ZSCAN25: variants seen among roughly 807,000 people sequenced by gnomAD.
ZSCAN25 encodes zinc finger and SCAN domain containing 25.
Under a neutral mutation model 38.7 loss-of-function variants are expected in ZSCAN25, and 27 were observed. The ratio of observed to expected loss-of-function variants is 0.70; its 90% CI spans 0.51 to 0.96. The LOEUF is 0.96. ZSCAN25 is among the 40% of genes least tolerant of loss of function. The pLI is 0.00. For synonymous variants in ZSCAN25, 273 were observed against 277.7 expected, an observed-to-expected ratio of 0.98 and a Z score of 0.17; for missense variants, 637 against 705.9, an observed-to-expected ratio of 0.90 and a Z score of 1.11.
the ZSCAN25 span, chr7:99,715,625 T>C: frequency 6.8e-7 from 1 of 1,478,036 alleles, no homozygotes; most frequent in Admixed American, 1.7e-5. Flanking sequence ...GTGATGGTCG[T>C]ACATATCTTC....
the ZSCAN25 span, among the ~76,000 whole-genome samples, chr7:99,726,711 A>G: frequency 2.6e-5 from 4 of 152,068 alleles, no homozygotes; most frequent in South Asian, 4.2e-4. Context: ...TGCTTCCCAC[A>G]TTATTCAATA....
chr7:99,686,886 C>A, the ZSCAN25 span, among the ~76,000 whole-genome samples: 3 of 152,242 alleles, frequency 2.0e-5, no homozygotes, highest in Non-Finnish European at 2.9e-5. Flanking sequence ...TGCTGTTCTG[C>A]AGGCACCACT....
the ZSCAN25 span, chr7:99,685,081 T>C: frequency 8.2e-7 from 1 of 1,220,198 alleles, no homozygotes; most frequent in South Asian, 1.2e-5. Flanking sequence ...TAATTTGAGG[T>C]CTCTGGTGTT....
the ZSCAN25 span, among the ~76,000 whole-genome samples, chr7:99,639,014 A>C: frequency 1.3e-5 from 2 of 152,224 alleles, no homozygotes; most frequent in Admixed American, 1.3e-4. Context: ...CTGCTGAGGC[A>C]CGGCCCGGCT....
the ZSCAN25 span, among the ~76,000 whole-genome samples, chr7:99,726,818 A>G: frequency 1.3e-5 from 2 of 152,148 alleles, no homozygotes; most frequent in Non-Finnish European, 2.9e-5. Context: ...GATATCGGGT[A>G]TCCCCCTCCA....
rs1237663918 is a variant in ZSCAN25, at chr7:99,618,543, T to G, written c.-240T>G. 1 of 152,174 alleles carries G rather than the reference T, an allele frequency of 6.6e-6. No individual in the cohort carries two copies. Among genetic ancestry groups the G allele is most frequent in the Non-Finnish European group, 1.5e-5 (1 of 68,036 alleles). The allele number at this position is 152,174 out of a possible 1,614,324, so 9.4% of individuals were successfully genotyped here. On this transcript the variant is annotated 5_prime_UTR_variant, in exon 2 of 8. Transcript: ENST00000394152. The stretch of plus-strand genomic sequence containing the variant: ...TTTTCAGGTTGAGCGCACCATCACA[T>G]CTAAGCCATCAGCAAGTTTGTTGGT...
Position 99,624,080 on chromosome 7 carries a change from G to A in ZSCAN25, c.705G>A (p.Met235Ile). 4 of 1,614,136 alleles carry A rather than the reference G, an allele frequency of 2.5e-6. No homozygotes were observed. Among genetic ancestry groups the A allele is most frequent in the Non-Finnish European group, 3.4e-6 (4 of 1,180,034 alleles). ...AGGGGTTGGGGCCATTTAAAGATAT[G>A]GCCCTGGCCTTCCCTGAGGAGGAGT... ...GSQGLGPFKD[M>I]ALAFPEEEWR... Residue 235 changes from methionine to isoleucine, a missense_variant, in exon 7 of 8, where the codon ATG (methionine) becomes ATA (isoleucine). Physicochemically the swap from Met to Ile is conservative, Grantham distance 10 (BLOSUM62 1). Coordinates refer to ENST00000394152, the MANE Select transcript of ZSCAN25 (RefSeq NM_145115.3).
chr7:99,688,922 C>G, the ZSCAN25 span, among the ~76,000 whole-genome samples: 19 of 152,080 alleles, frequency 1.2e-4, no homozygotes, highest in African/African-American at 3.9e-4. Flanking sequence ...TGACCACTGG[C>G]TACATAACAA....
At chr7:99,638,076 G>A in the ZSCAN25 span, among the ~76,000 whole-genome samples, 3,776 of 152,202 alleles carry the variant, frequency 0.025, 156 homozygotes, top group African/African-American at 0.087. Flanking sequence ...GAAAAAGAAC[G>A]GGAAACAGAA....
At chr7:99,655,016 C>G in the ZSCAN25 span, among the ~76,000 whole-genome samples, 1 of 152,278 alleles carries the variant, frequency 6.6e-6, no homozygotes. Context: ...AATTTTCTCC[C>G]ATTCTGTCGG....
At chr7:99,703,502 A>T in the ZSCAN25 span, among the ~76,000 whole-genome samples, 1 of 152,194 alleles carries the variant, frequency 6.6e-6, no homozygotes, top group African/African-American at 2.4e-5. Flanking sequence ...ACATGTATAC[A>T]TTTCATCTAT....
the ZSCAN25 span, among the ~76,000 whole-genome samples, chr7:99,728,862 G>C: frequency 1.3e-5 from 2 of 151,914 alleles, no homozygotes; most frequent in Non-Finnish European, 1.5e-5. Context: ...TTTTCTGCTA[G>C]CATTACAGAT....
chr7:99,714,529 C>T, the ZSCAN25 span: 2 of 1,610,756 alleles, frequency 1.2e-6, no homozygotes, highest in Admixed American at 1.7e-5. Context: ...ACTAAACATC[C>T]TCCTATAACT....
At chr7:99,667,056 G>A in the ZSCAN25 span, 1 of 1,613,486 alleles carries the variant, frequency 6.2e-7, no homozygotes, top group Non-Finnish European at 8.5e-7. Context: ...AATCCCACTG[G>A]GCCTAAAGAC....
chr7:99,708,648 T>A, the ZSCAN25 span, among the ~76,000 whole-genome samples: 1 of 152,216 alleles, frequency 6.6e-6, no homozygotes, highest in Admixed American at 6.5e-5. Flanking sequence ...ATAAATTCTT[T>A]GAAGATTAGA....
chr7:99,665,455 A>C, the ZSCAN25 span: 1 of 1,256,176 alleles, frequency 8.0e-7, no homozygotes, highest in Non-Finnish European at 1.1e-6. Flanking sequence ...ATCATCTTCC[A>C]TCTACTCCCT....
the ZSCAN25 span, chr7:99,660,364 C>T: frequency 7.0e-7 from 1 of 1,426,878 alleles, no homozygotes. Flanking sequence ...TTTTTCTCCT[C>T]AGAGGCTTCC....
the ZSCAN25 span, among the ~76,000 whole-genome samples, chr7:99,703,845 C>A: frequency 6.6e-6 from 1 of 152,002 alleles, no homozygotes; most frequent in East Asian, 1.9e-4. Flanking sequence ...TCTATGAACC[C>A]CTTCTCTGCT....
chr7:99,680,067 C>G, the ZSCAN25 span: 5 of 624,730 alleles, frequency 8.0e-6, no homozygotes, highest in South Asian at 1.9e-5. Context: ...CAGCCAATAG[C>G]AAAGAATCGC....
Sources: gnomAD v4.1 joint callset for allele counts (sites outside exome capture counted in the v4.1 genomes callset) on GRCh38, gnomAD v4.1.1 for gene constraint, MANE v1.5 for transcripts, NCBI Gene and HGNC (gene_info 2026-07-23, HGNC 2026-07-21) for gene names.